Variants in SLC25A42 observed in about 807,000 individuals in gnomAD.
SLC25A42 encodes solute carrier family 25 member 42.
SLC25A42 carries 19 observed loss-of-function variants against 34.7 expected under a neutral mutation model. That is an observed-to-expected ratio of 0.55 (90% confidence interval 0.38 to 0.80). SLC25A42 has a LOEUF of 0.80. SLC25A42 is among the 30% of genes least tolerant of loss of function. SLC25A42 has a pLI of 0.00. For missense variants in SLC25A42, 364 were observed against 441.3 expected (o/e 0.82, Z 1.57); for synonymous variants, 205 against 191.2 (o/e 1.07, Z -0.59).
chr19:19,072,069 T>A (rs754987771), intron 1 of SLC25A42, among the ~76,000 whole-genome samples: 1 of 152,014 alleles, frequency 6.6e-6, no homozygotes, highest in South Asian at 2.1e-4. Flanking sequence ...CCCAGGCTGA[T>A]CTCCAATTCC....
chr19:19,065,305 C>T (rs2059596065), intron 1 of SLC25A42, among the ~76,000 whole-genome samples: 1 of 151,924 alleles, frequency 6.6e-6, no homozygotes, highest in Middle Eastern at 3.2e-3. Flanking sequence ...GACCCGGGAC[C>T]CCTCTCCGAC....
intron 1 of SLC25A42, among the ~76,000 whole-genome samples, chr19:19,085,897 G>A (rs978320905): frequency 1.3e-5 from 2 of 152,300 alleles, no homozygotes; most frequent in South Asian, 2.1e-4. Context: ...GCTGAGAAGG[G>A]CAATGGGTTC....
intron 1 of SLC25A42, among the ~76,000 whole-genome samples, chr19:19,091,274 T>C (rs1033168443): frequency 6.6e-6 from 1 of 152,054 alleles, no homozygotes; most frequent in African/African-American, 2.4e-5. Context: ...CTGGCCAACA[T>C]GGTGAAACCC....
At chr19:19,084,352 C>A (rs969091686) in intron 1 of SLC25A42, among the ~76,000 whole-genome samples, 1 of 152,224 alleles carries the variant, frequency 6.6e-6, no homozygotes, top group African/African-American at 2.4e-5. Flanking sequence ...GGGGCAACCT[C>A]TTCATCGTAG....
chr19:19,089,993 C>G (rs1425126532), intron 1 of SLC25A42, among the ~76,000 whole-genome samples: 2 of 152,204 alleles, frequency 1.3e-5, no homozygotes, highest in Non-Finnish European at 2.9e-5. Context: ...GCCTTCTGAG[C>G]TTTCCTTGGG....
Position 19,105,736 on chromosome 19 carries a change from C to G in SLC25A42, c.380+9C>G, listed in dbSNP as rs776687491. 1.5e-4 allele frequency: 223 copies of G among 1,534,070 alleles called. No homozygotes were observed. The highest frequency in any genetic ancestry group is 1.3e-4 in the Non-Finnish European group (147 of 1,134,392). On this transcript the variant is annotated intron_variant, in intron 5 of 7. Coordinates refer to ENST00000318596, the MANE Select transcript of SLC25A42 (RefSeq NM_178526.5). ...TATGGCTTCCGTGGAGAGTGAGGCC[C>G]CGCCCCGCCCTGCCACAGAATCGCC...
chr19:19,088,568 C>T (rs902745970), intron 1 of SLC25A42, among the ~76,000 whole-genome samples: 1 of 152,070 alleles, frequency 6.6e-6, no homozygotes, highest in African/African-American at 2.4e-5. Flanking sequence ...CAGCTCACCG[C>T]AACCTCCGCC....
intron 1 of SLC25A42, among the ~76,000 whole-genome samples, chr19:19,093,380 A>G (rs2059748227): frequency 6.6e-6 from 1 of 152,188 alleles, no homozygotes. Context: ...CACCGCACAC[A>G]TCTAGCGTCC....
At chr19:19,090,934 C>T (rs1407103594) in intron 1 of SLC25A42, among the ~76,000 whole-genome samples, 1 of 152,222 alleles carries the variant, frequency 6.6e-6, no homozygotes, top group Non-Finnish European at 1.5e-5. Context: ...CTGTGGTCCC[C>T]GGGGTCCGGG....
intron 1 of SLC25A42, among the ~76,000 whole-genome samples, chr19:19,065,119 C>T (rs557276973): frequency 1.2e-4 from 19 of 152,228 alleles, no homozygotes; most frequent in South Asian, 4.1e-4. Context: ...GTGACTTTGA[C>T]TGGGTCCGGA....
At chr19:19,068,055 T>C (rs1179775182) in intron 1 of SLC25A42, among the ~76,000 whole-genome samples, 1 of 152,154 alleles carries the variant, frequency 6.6e-6, no homozygotes, top group Non-Finnish European at 1.5e-5. Context: ...ATGAAATACT[T>C]CTTCATAAAA....
At chr19:19,087,312 G>A (rs1374746957) in intron 1 of SLC25A42, among the ~76,000 whole-genome samples, 1 of 151,922 alleles carries the variant, frequency 6.6e-6, no homozygotes, top group Admixed American at 6.6e-5. Context: ...GTTTGTGACA[G>A]AGTCTCGCTC....
intron 1 of SLC25A42, among the ~76,000 whole-genome samples, chr19:19,094,794 A>G (rs2059755780): frequency 6.6e-6 from 1 of 152,224 alleles, no homozygotes; most frequent in Non-Finnish European, 1.5e-5. Flanking sequence ...GAATCCCAGC[A>G]TTTTGGGAGG....
chr19:19,097,135 C>A (rs1438122601), intron 2 of SLC25A42, among the ~76,000 whole-genome samples: 3 of 152,192 alleles, frequency 2.0e-5, no homozygotes, highest in Non-Finnish European at 4.4e-5. Flanking sequence ...TCAGCTGAAC[C>A]TGAAACACAG....
chr19:19,074,739 GTGTA>G (rs1174929253), intron 1 of SLC25A42, among the ~76,000 whole-genome samples: 6 of 152,016 alleles, frequency 3.9e-5, no homozygotes, highest in African/African-American at 1.4e-4. Flanking sequence ...GTGTGTGTGA[GTGTA>G]TGTGTGAGCG....
At chr19:19,083,261 A>G (rs2059690207) in intron 1 of SLC25A42, among the ~76,000 whole-genome samples, 1 of 152,154 alleles carries the variant, frequency 6.6e-6, no homozygotes. Flanking sequence ...GCATCCCCAC[A>G]TCGGGACCCT....
At chr19:19,107,781 C>A in intron 6 of SLC25A42, 113 bp from the exon 7 acceptor site, 1 of 1,009,606 alleles carries the variant, frequency 9.9e-7, no homozygotes, top group Non-Finnish European at 1.5e-6. Flanking sequence ...AAAACATCAA[C>A]ATCCAGACAC....
intron 1 of SLC25A42, among the ~76,000 whole-genome samples, chr19:19,091,338 A>G (rs752757741): frequency 4.6e-5 from 7 of 152,082 alleles, no homozygotes; most frequent in Non-Finnish European, 7.4e-5. Context: ...CGCGCCTATA[A>G]TCCCAGCTAA....
At chr19:19,102,031 C>CG in intron 3 of SLC25A42, 145 bp downstream of exon 3, 1 of 599,808 alleles carries the variant, frequency 1.7e-6, no homozygotes, top group Non-Finnish European at 2.8e-6. Context: ...TTTTTTGAGA[C>CG]GGAGTCTCGC....
Sources: allele counts gnomAD v4.1 joint callset (sites outside exome capture counted in the v4.1 genomes callset), GRCh38; gene constraint gnomAD v4.1.1; transcripts MANE v1.5; gene names NCBI Gene and HGNC (gene_info 2026-07-23, HGNC 2026-07-21).